Variants in CPA6 observed in about 807,000 individuals in gnomAD.
CPA6 encodes the protein carboxypeptidase A6, also known as carboxypeptidase B.
In CPA6, 58 loss-of-function variants were observed where a neutral mutation model predicts 63.3. The observed-to-expected ratio is 0.92, with a 90% CI of 0.74 to 1.14. The LOEUF (loss-of-function observed/expected upper bound fraction) is 1.14, where lower values mean the gene tolerates loss of function less well. Ranked by LOEUF, CPA6 falls within the 50% of genes most tolerant of loss-of-function variation. The pLI, the probability that CPA6 is intolerant of heterozygous loss-of-function variation, is 0.00. For synonymous variants in CPA6, 185 were observed against 179.0 expected (o/e 1.03, Z -0.27); for missense variants, 565 against 526.6 (o/e 1.07, Z -0.71).
intron 1 of CPA6, among the ~76,000 whole-genome samples, chr8:67,709,927 A>G (rs756118356): frequency 6.6e-6 from 1 of 152,074 alleles, no homozygotes; most frequent in Non-Finnish European, 1.5e-5. Context: ...CCTGGCCAAC[A>G]TGGTGAAACC....
intron 9 of CPA6, among the ~76,000 whole-genome samples, chr8:67,428,466 C>T (rs918862368): frequency 6.6e-6 from 1 of 151,996 alleles, no homozygotes; most frequent in Non-Finnish European, 1.5e-5. Flanking sequence ...CGTTCCTTGA[C>T]TTTAGTTCAA....
chr8:67,683,563 C>A (rs962850645), intron 1 of CPA6, among the ~76,000 whole-genome samples: 2 of 152,144 alleles, frequency 1.3e-5, no homozygotes, highest in African/African-American at 4.8e-5. Flanking sequence ...TTTATCGATA[C>A]AAACTTACTT....
chr8:67,620,722 C>T (rs1437422566), intron 2 of CPA6, among the ~76,000 whole-genome samples: 3 of 152,118 alleles, frequency 2.0e-5, no homozygotes, highest in Non-Finnish European at 4.4e-5. Context: ...CAAGGTAACG[C>T]AATGCTTTTA....
intron 9 of CPA6, among the ~76,000 whole-genome samples, chr8:67,432,889 GAC>G (rs1189745045): frequency 6.6e-6 from 1 of 152,196 alleles, no homozygotes; most frequent in Non-Finnish European, 1.5e-5. Flanking sequence ...AGCCAAGTCA[GAC>G]AGGAATGTGG....
intron 6 of CPA6, among the ~76,000 whole-genome samples, chr8:67,495,615 T>C (rs1811694575): frequency 6.6e-6 from 1 of 152,198 alleles, no homozygotes; most frequent in Non-Finnish European, 1.5e-5. Flanking sequence ...CTTTCATCCA[T>C]ATATCATTGC....
At chr8:67,484,040 A>G (rs1358503931) in intron 7 of CPA6, among the ~76,000 whole-genome samples, 182 bp from the exon 8 acceptor site, 1 of 151,738 alleles carries the variant, frequency 6.6e-6, no homozygotes, top group Non-Finnish European at 1.5e-5. Context: ...TCATGCTCCA[A>G]TTTCTGCTAC....
intron 2 of CPA6, among the ~76,000 whole-genome samples, chr8:67,576,302 C>G (rs1813624310): frequency 6.6e-6 from 1 of 152,028 alleles, no homozygotes; most frequent in African/African-American, 2.4e-5. Flanking sequence ...TAAATATATA[C>G]AACTATAATT....
At chr8:67,462,898 T>C (rs957581882) in intron 8 of CPA6, among the ~76,000 whole-genome samples, 3 of 152,164 alleles carry the variant, frequency 2.0e-5, no homozygotes, top group Admixed American at 6.5e-5. Flanking sequence ...CAGTAAATAT[T>C]TGTAGAATGA....
chr8:67,470,549 T>C (rs1811035266), intron 8 of CPA6, among the ~76,000 whole-genome samples: 1 of 152,214 alleles, frequency 6.6e-6, no homozygotes. Context: ...TGAGACTCTA[T>C]GCTTTTTAAA....
intron 4 of CPA6, among the ~76,000 whole-genome samples, chr8:67,511,008 C>T (rs1293368123): frequency 1.3e-5 from 2 of 152,124 alleles, no homozygotes; most frequent in Non-Finnish European, 2.9e-5. Flanking sequence ...ATTTGCAGAA[C>T]AACAACCTGT....
intron 1 of CPA6, among the ~76,000 whole-genome samples, chr8:67,671,931 A>C (rs1816356365): frequency 6.6e-6 from 1 of 152,046 alleles, no homozygotes; most frequent in South Asian, 2.1e-4. Flanking sequence ...CCCAGGTTCA[A>C]CAATTCTCCT....
intron 1 of CPA6, among the ~76,000 whole-genome samples, chr8:67,673,673 T>C (rs1439045997): frequency 6.6e-6 from 1 of 151,976 alleles, no homozygotes; most frequent in Non-Finnish European, 1.5e-5. Context: ...ATTACAGGTG[T>C]GAGCCACTGC....
intron 1 of CPA6, among the ~76,000 whole-genome samples, chr8:67,664,134 T>A (rs1816177449): frequency 6.6e-6 from 1 of 152,238 alleles, no homozygotes; most frequent in Non-Finnish European, 1.5e-5. Flanking sequence ...TCACAAATGA[T>A]GGGACTCAGC....
intron 1 of CPA6, among the ~76,000 whole-genome samples, chr8:67,733,926 G>A (rs1267873154): frequency 1.3e-5 from 2 of 150,336 alleles, no homozygotes; most frequent in Non-Finnish European, 3.0e-5. Flanking sequence ...ACAGGCTGGA[G>A]CGCAGTGGTG....
At chr8:67,481,806 G>A (rs1260048217) in intron 8 of CPA6, among the ~76,000 whole-genome samples, 3 of 152,142 alleles carry the variant, frequency 2.0e-5, no homozygotes, top group African/African-American at 4.8e-5. Context: ...ACTGCGGGGG[G>A]ATGGACCTGA....
Position 67,455,704 on chromosome 8 carries a change from G to C in CPA6, c.839-21464C>G, listed in dbSNP as rs1182095854. Among the ~76,000 whole-genome samples the C allele has an allele frequency of 3.6e-5, 4 of 110,652 alleles. No individual in the cohort carries two copies. In the South Asian group the frequency reaches 1.2e-3, roughly 32 times the overall value. The allele number at this position is 110,652 out of a possible 152,430, so 72.6% of individuals were successfully genotyped here. On this transcript the variant is annotated intron_variant, in intron 8 of 10. Transcript: ENST00000297770. ...AAAAAAAAAAAAAAAGAAAATGATT[G>C]CCAAGACTGTTTTTTTTGTTTGTTT...
chr8:67,452,853 A>C (rs1810585086), intron 8 of CPA6, among the ~76,000 whole-genome samples: 1 of 152,210 alleles, frequency 6.6e-6, no homozygotes. Context: ...TGGCTATGGC[A>C]TCCAGGGAAG....
chr8:67,491,230 T>G (rs1290981819), intron 6 of CPA6, among the ~76,000 whole-genome samples: 2 of 150,950 alleles, frequency 1.3e-5, no homozygotes, highest in Non-Finnish European at 3.0e-5. Context: ...GAAGTTTTTT[T>G]TTTTTTTTTT....
intron 2 of CPA6, among the ~76,000 whole-genome samples, chr8:67,588,552 T>C (rs1458587907): frequency 2.0e-5 from 3 of 152,172 alleles, no homozygotes; most frequent in African/African-American, 7.2e-5. Flanking sequence ...CTAAAATAAA[T>C]GTAATCCCTA....
Sources: allele counts gnomAD v4.1 joint callset (sites outside exome capture counted in the v4.1 genomes callset), GRCh38; gene constraint gnomAD v4.1.1; transcripts MANE v1.5; gene names NCBI Gene and HGNC (gene_info 2026-07-23, HGNC 2026-07-21).